The following CNTN4 variants were observed in gnomAD, a reference collection of about 807,000 sequenced individuals.
CNTN4 encodes the protein contactin-4.
Under a neutral mutation model 122.5 loss-of-function variants are expected in CNTN4, and 77 were observed. The ratio of observed to expected loss-of-function variants is 0.63; its 90% CI spans 0.52 to 0.76. The LOEUF (loss-of-function observed/expected upper bound fraction) is 0.76, where lower values mean the gene tolerates loss of function less well. CNTN4 is among the 30% of genes least tolerant of loss of function. CNTN4 has a pLI of 0.00. For synonymous variants in CNTN4, 512 were observed against 447.0 expected (o/e 1.15, Z -1.83); for missense variants, 1,256 against 1,259.1 (o/e 1.00, Z 0.04).
intron 2 of CNTN4, among the ~76,000 whole-genome samples, chr3:2,287,083 C>T (rs751885250): frequency 6.6e-5 from 10 of 152,238 alleles, no homozygotes; most frequent in South Asian, 2.1e-4. Flanking sequence ...AGAAACTGAA[C>T]ATTTACTTAG....
chr3:2,586,154 C>T (rs958745038), intron 4 of CNTN4, among the ~76,000 whole-genome samples: 1 of 152,154 alleles, frequency 6.6e-6, no homozygotes, highest in Non-Finnish European at 1.5e-5. Context: ...CTGAAGGTCA[C>T]ACAAGCATGG....
chr3:2,113,597 C>A (rs1190963173), intron 2 of CNTN4, among the ~76,000 whole-genome samples: 7 of 152,150 alleles, frequency 4.6e-5, no homozygotes, highest in Admixed American at 1.3e-4. Flanking sequence ...ATATACACAA[C>A]CTGCTTAATT....
intron 3 of CNTN4, among the ~76,000 whole-genome samples, chr3:2,508,843 AT>A (rs939972538): frequency 6.6e-6 from 1 of 152,250 alleles, no homozygotes; most frequent in African/African-American, 2.4e-5. Flanking sequence ...AATGTTGGCT[AT>A]GCCCTTTAAT....
At chr3:2,488,048 C>T (rs1420689559) in intron 3 of CNTN4, among the ~76,000 whole-genome samples, 1 of 152,180 alleles carries the variant, frequency 6.6e-6, no homozygotes, top group African/African-American at 2.4e-5. Context: ...TACCAATCAA[C>T]ACCCTCAAAG....
At chr3:2,834,926 A>C (rs1166898520) in intron 7 of CNTN4, among the ~76,000 whole-genome samples, 2 of 35,410 alleles carry the variant, frequency 5.6e-5, no homozygotes, top group Non-Finnish European at 8.5e-5. Flanking sequence ...TTTTTTTGAG[A>C]CTGAGTCTCT....
intron 2 of CNTN4, among the ~76,000 whole-genome samples, chr3:2,171,320 G>A (rs2036498850): frequency 6.6e-6 from 1 of 152,072 alleles, no homozygotes; most frequent in Non-Finnish European, 1.5e-5. Context: ...ATTTTCAGAG[G>A]ACAAAAACAC....
chr3:2,852,693 G>C (rs2093566913), intron 7 of CNTN4, among the ~76,000 whole-genome samples: 1 of 152,060 alleles, frequency 6.6e-6, no homozygotes, highest in African/African-American at 2.4e-5. Context: ...ACAAAGTAGT[G>C]GTAAACCAAG....
chr3:2,510,217 G>A (rs2076844428), intron 3 of CNTN4, among the ~76,000 whole-genome samples: 1 of 152,138 alleles, frequency 6.6e-6, no homozygotes, highest in Non-Finnish European at 1.5e-5. Context: ...ATTACGAGGT[G>A]TAAGCACCTT....
intron 2 of CNTN4, among the ~76,000 whole-genome samples, chr3:2,255,655 C>T (rs2040557001): frequency 6.6e-6 from 1 of 152,170 alleles, no homozygotes; most frequent in Non-Finnish European, 1.5e-5. Context: ...CGCACAACTA[C>T]ATGGAAACTG....
intron 6 of CNTN4, among the ~76,000 whole-genome samples, chr3:2,768,931 G>A (rs116360965): frequency 0.02 from 3,085 of 152,252 alleles, 35 homozygotes; most frequent in Non-Finnish European, 0.032. Flanking sequence ...TTAAGGGACA[G>A]ATCCGAGGAT....
At chr3:2,205,037 T>C (rs1246726635) in intron 2 of CNTN4, among the ~76,000 whole-genome samples, 1 of 152,076 alleles carries the variant, frequency 6.6e-6, no homozygotes, top group Admixed American at 6.6e-5. Flanking sequence ...AATAAAATAG[T>C]TACTTTTTTC....
intron 6 of CNTN4, among the ~76,000 whole-genome samples, chr3:2,805,306 TAGA>T (rs1255697311): frequency 6.6e-6 from 1 of 152,186 alleles, no homozygotes; most frequent in Admixed American, 6.5e-5. Flanking sequence ...TTTCTTGTGA[TAGA>T]AGAGCAATTG....
chr3:2,325,546 CA>C (rs1466291380), intron 2 of CNTN4, among the ~76,000 whole-genome samples: 3 of 152,086 alleles, frequency 2.0e-5, no homozygotes, highest in African/African-American at 7.2e-5. Flanking sequence ...TTTAGAACTC[CA>C]ACATTTCCAG....
At chr3:2,959,345 T>C (rs758446460) in intron 13 of CNTN4, among the ~76,000 whole-genome samples, 27 of 152,334 alleles carry the variant, frequency 1.8e-4, no homozygotes, top group Admixed American at 5.9e-4. Context: ...ATGCTATCTA[T>C]AGAGCGTCTG....
At chr3:2,548,449 T>A (rs1437965667) in intron 3 of CNTN4, among the ~76,000 whole-genome samples, 3 of 152,178 alleles carry the variant, frequency 2.0e-5, no homozygotes, top group African/African-American at 7.2e-5. Context: ...CCCCATTGGT[T>A]GTTTTTGTCA....
chr3:2,171,491 T>A (rs970893892), intron 2 of CNTN4, among the ~76,000 whole-genome samples: 1 of 152,230 alleles, frequency 6.6e-6, no homozygotes, highest in Non-Finnish European at 1.5e-5. Flanking sequence ...AACTTTATTT[T>A]TATATATTCT....
At chr3:3,035,653 C>A (rs534252512) in intron 17 of CNTN4, among the ~76,000 whole-genome samples, 1 of 152,252 alleles carries the variant, frequency 6.6e-6, no homozygotes, top group African/African-American at 2.4e-5. Flanking sequence ...ACCTCCTGGG[C>A]TCAAGCAATC....
intron 7 of CNTN4, among the ~76,000 whole-genome samples, chr3:2,862,264 G>T (rs540811130): frequency 1.3e-5 from 2 of 152,328 alleles, no homozygotes; most frequent in East Asian, 3.9e-4. Flanking sequence ...CAACCATCCA[G>T]AGAATTCTGA....
chr3:2,994,526 T>C (rs1369979218), intron 14 of CNTN4, among the ~76,000 whole-genome samples: 1 of 151,490 alleles, frequency 6.6e-6, no homozygotes, highest in Admixed American at 6.6e-5. Context: ...GATTCCTTTA[T>C]TGCCAGAAAG....
Sources: gnomAD v4.1 joint callset for allele counts (sites outside exome capture counted in the v4.1 genomes callset) on GRCh38, gnomAD v4.1.1 for gene constraint, MANE v1.5 for transcripts, NCBI Gene and HGNC (gene_info 2026-07-23, HGNC 2026-07-21) for gene names.